MSRA: variants seen among roughly 807,000 people sequenced by gnomAD.
The protein encoded by MSRA is mitochondrial peptide methionine sulfoxide reductase.
In MSRA, 54 loss-of-function variants were observed where a neutral mutation model predicts 31.3. The observed-to-expected ratio is 1.73, with a 90% CI of 1.39 to 2.17. The LOEUF is 2.17. Among genes scored for constraint, MSRA ranks in the 30% most tolerant of loss-of-function variants. The pLI is 0.00. For missense variants in MSRA, 507 were observed against 300.9 expected, an observed-to-expected ratio of 1.69 and a Z score of -5.07; for synonymous variants, 169 against 116.5, an observed-to-expected ratio of 1.45 and a Z score of -2.90.
At chr8:10,294,654 A>G (rs540770967) in intron 3 of MSRA, among the ~76,000 whole-genome samples, 33 of 152,274 alleles carry the variant, frequency 2.2e-4, no homozygotes, top group Non-Finnish European at 4.0e-4. Flanking sequence ...GTGGCAGTCT[A>G]TGGCTGGTAG....
chr8:10,363,267 G>A (rs530330169), intron 5 of MSRA, among the ~76,000 whole-genome samples: 1 of 152,188 alleles, frequency 6.6e-6, no homozygotes, highest in East Asian at 1.9e-4. Flanking sequence ...TTTGGCAACT[G>A]GCCAGGGAGG....
At chr8:10,074,826 T>C (rs561060259) in intron 1 of MSRA, among the ~76,000 whole-genome samples, 1 of 152,110 alleles carries the variant, frequency 6.6e-6, no homozygotes, top group East Asian at 1.9e-4. Flanking sequence ...GCCTGGCTAA[T>C]TTTTAGAGAT....
At chr8:10,211,930 G>T (rs924004827) in intron 2 of MSRA, among the ~76,000 whole-genome samples, 1 of 152,080 alleles carries the variant, frequency 6.6e-6, no homozygotes, top group Non-Finnish European at 1.5e-5. Context: ...AATTTCACGA[G>T]AAAATCAAAG....
At chr8:10,408,805 T>C (rs889524826) in intron 5 of MSRA, among the ~76,000 whole-genome samples, 1 of 125,672 alleles carries the variant, frequency 8.0e-6, no homozygotes, top group Non-Finnish European at 1.6e-5. Context: ...ATCCGTAAGA[T>C]AGAACATGCA....
chr8:10,157,127 C>T (rs1181777915), intron 1 of MSRA, among the ~76,000 whole-genome samples: 3 of 152,056 alleles, frequency 2.0e-5, no homozygotes. Flanking sequence ...CCTATATGTT[C>T]ATCCTCCAGT....
intron 1 of MSRA, among the ~76,000 whole-genome samples, chr8:10,189,776 C>T (rs1435285465): frequency 6.6e-6 from 1 of 152,100 alleles, no homozygotes; most frequent in Non-Finnish European, 1.5e-5. Flanking sequence ...TAAAGGGGAT[C>T]TGTCTCTAGT....
intron 4 of MSRA, among the ~76,000 whole-genome samples, chr8:10,318,550 A>G (rs1244865639): frequency 2.0e-5 from 3 of 152,214 alleles, no homozygotes; most frequent in South Asian, 2.1e-4. Context: ...TCTATCATCA[A>G]TAACATTTTT....
chr8:10,131,352 A>G (rs1170627744), intron 1 of MSRA, among the ~76,000 whole-genome samples: 2 of 152,238 alleles, frequency 1.3e-5, no homozygotes, highest in Non-Finnish European at 2.9e-5. Context: ...CATAGACAAA[A>G]GAGTGGAAAT....
intron 1 of MSRA, among the ~76,000 whole-genome samples, chr8:10,100,630 C>G (rs527325459): frequency 5.0e-4 from 76 of 152,208 alleles, no homozygotes; most frequent in African/African-American, 1.8e-3. Context: ...TTTGAGAGTA[C>G]TGGAGTTAGG....
At chr8:10,236,629 C>T (rs1811966457) in intron 2 of MSRA, among the ~76,000 whole-genome samples, 2 of 152,218 alleles carry the variant, frequency 1.3e-5, no homozygotes, top group African/African-American at 4.8e-5. Context: ...GCTGCAACCT[C>T]TGCCTCCTGA....
At position 10,314,043 on chromosome 8, in the gene MSRA, C is replaced by A. The variant is rs186377397; in HGVS notation, c.437-5840C>A. ...TGAATACATAAATGTCAAAGGCAAA[C>A]GTACGAAATTTCAAGTAGATAATTT... On this transcript the variant is annotated intron_variant, in intron 4 of 5. Transcript: ENST00000317173. Among the ~76,000 whole-genome samples the A allele has an allele frequency of 3.9e-5, 6 of 152,198 alleles. No individual in the cohort carries two copies. The South Asian group carries it at 1.2e-3, about 32-fold the overall frequency.
At chr8:10,293,649 C>T (rs1800370485) in intron 3 of MSRA, among the ~76,000 whole-genome samples, 1 of 152,150 alleles carries the variant, frequency 6.6e-6, no homozygotes, top group African/African-American at 2.4e-5. Flanking sequence ...CTCTGGTTCC[C>T]CAACCTCTTC....
At chr8:10,099,591 A>G (rs532418129) in intron 1 of MSRA, among the ~76,000 whole-genome samples, 2 of 152,346 alleles carry the variant, frequency 1.3e-5, no homozygotes, top group Non-Finnish European at 2.9e-5. Flanking sequence ...GGCGAACCAG[A>G]GTATTAGCTT....
chr8:10,405,106 G>A (rs552536575), intron 5 of MSRA, among the ~76,000 whole-genome samples: 15 of 152,340 alleles, frequency 9.8e-5, no homozygotes, highest in Non-Finnish European at 1.8e-4. Flanking sequence ...GTCCATGAGA[G>A]CCCAAGTGCA....
intron 3 of MSRA, among the ~76,000 whole-genome samples, chr8:10,253,844 G>C (rs1798039967): frequency 1.3e-5 from 2 of 152,070 alleles, no homozygotes; most frequent in Admixed American, 1.3e-4. Flanking sequence ...TTAGAATAAA[G>C]GTTTCTTTTT....
chr8:10,133,981 C>T (rs531301638), intron 1 of MSRA, among the ~76,000 whole-genome samples: 67 of 152,208 alleles, frequency 4.4e-4, no homozygotes, highest in Admixed American at 4.6e-4. Context: ...CAGGCACCTG[C>T]CACCATGCCT....
At chr8:10,283,824 T>TACACACACAC (rs1259643918) in intron 3 of MSRA, among the ~76,000 whole-genome samples, 2 of 68,972 alleles carry the variant, frequency 2.9e-5, no homozygotes, top group Non-Finnish European at 5.9e-5. Flanking sequence ...TATATATATA[T>TACACACACAC]ATATATATAT....
intron 2 of MSRA, among the ~76,000 whole-genome samples, chr8:10,234,010 A>G (rs935624055): frequency 6.6e-6 from 1 of 152,210 alleles, no homozygotes; most frequent in African/African-American, 2.4e-5. Flanking sequence ...TGAGAAGACA[A>G]TGGAGTAACA....
chr8:10,210,209 A>G (rs753425883), intron 2 of MSRA, among the ~76,000 whole-genome samples: 2 of 152,052 alleles, frequency 1.3e-5, no homozygotes, highest in South Asian at 2.1e-4. Context: ...AAGCTGATGG[A>G]CTCATATACT....
Sources: allele counts gnomAD v4.1 joint callset (sites outside exome capture counted in the v4.1 genomes callset), GRCh38; gene constraint gnomAD v4.1.1; transcripts MANE v1.5; gene names NCBI Gene and HGNC (gene_info 2026-07-23, HGNC 2026-07-21).